Variants in ANKMY1 observed in about 807,000 individuals in gnomAD.
ANKMY1 encodes the protein ankyrin repeat and MYND domain containing 1.
In ANKMY1, 98 loss-of-function variants were observed where a neutral mutation model predicts 102.0. The observed-to-expected ratio is 0.96, with a 90% CI of 0.82 to 1.14. ANKMY1 has a LOEUF of 1.14. ANKMY1 is among the 50% of genes most tolerant of loss of function. The pLI is 0.00. For synonymous variants in ANKMY1, 582 were observed against 559.9 expected (o/e 1.04, Z -0.56); for missense variants, 1,330 against 1,347.6 (o/e 0.99, Z 0.20).
At chr2:240,530,426 C>T (rs780530140) in intron 4 of ANKMY1, among the ~76,000 whole-genome samples, 7 of 152,154 alleles carry the variant, frequency 4.6e-5, no homozygotes, top group African/African-American at 9.7e-5. Flanking sequence ...GGCATTCTCA[C>T]GAGATCTGCT....
At chr2:240,548,373 A>G (rs1446688158) in intron 4 of ANKMY1, among the ~76,000 whole-genome samples, 3 of 152,252 alleles carry the variant, frequency 2.0e-5, no homozygotes, top group African/African-American at 4.8e-5. Context: ...TCAAAATAAT[A>G]AGAGCTATCT....
chr2:240,496,010 T>A (rs1271557260), intron 15 of ANKMY1, among the ~76,000 whole-genome samples: 5 of 152,228 alleles, frequency 3.3e-5, no homozygotes, highest in Admixed American at 6.5e-5. Flanking sequence ...TTCTACTAAG[T>A]GGAAGAAGTG....
At chr2:240,504,960 C>T (rs920063409) in intron 13 of ANKMY1, among the ~76,000 whole-genome samples, 1 of 152,080 alleles carries the variant, frequency 6.6e-6, no homozygotes. Context: ...GCACTCCTGC[C>T]TGGGCGACAG....
intron 4 of ANKMY1, among the ~76,000 whole-genome samples, chr2:240,535,531 G>T (rs2086517959): frequency 6.6e-6 from 1 of 152,210 alleles, no homozygotes; most frequent in Non-Finnish European, 1.5e-5. Context: ...ATTCTCTAGA[G>T]AACGTGGATT....
At chr2:240,543,367 A>C (rs886121084) in intron 4 of ANKMY1, among the ~76,000 whole-genome samples, 2 of 151,858 alleles carry the variant, frequency 1.3e-5, no homozygotes, top group Non-Finnish European at 1.5e-5. Context: ...AAAAAAAAAA[A>C]TTATAGATAA....
In ANKMY1 at chr2:240,529,480, C is replaced by T. The variant is rs2084776968; in HGVS notation, c.510G>A (p.Gly170=). 1 of 1,613,608 alleles carries T rather than the reference C, an allele frequency of 6.2e-7. No homozygotes were observed. Among genetic ancestry groups the T allele is most frequent in the East Asian group, 2.2e-5 (1 of 44,878 alleles). The change falls in exon 5 of 18, where the codon GGG becomes GGA. Residue 170 remains glycine, a synonymous_variant. Transcript: ENST00000401804. The surrounding 1 kb of genome is among the most constrained non-coding windows in gnomAD (Gnocchi z 4.2). ...CATCGGGGTAGGTCTCGACACCTGG[C>T]CCAAACCGCTGGTCCGCTTTGTATA... ...QGLYKADQRF[G]PGVETYPDGS...
chr2:240,557,233 C>G lies in ANKMY1; in HGVS notation c.103G>C (p.Glu35Gln). The change falls in exon 2 of 18, where the codon GAG becomes CAG. Residue 35 changes from glutamate to glutamine, a missense_variant. Coordinates refer to ENST00000401804, the MANE Select transcript of ANKMY1 (RefSeq NM_001282771.3). ...TAGTTCTTCAGGGACCCCGGCTCCTCGGCAGCAGGGGTCTCGCCGCCCTTC... is the reference window on the plus strand; with the variant it reads ...TAGTTCTTCAGGGACCCCGGCTCCTGGGCAGCAGGGGTCTCGCCGCCCTTC... ...EGKGGETPAAEEPGSLKNYAV... is the reference protein window; with the variant it reads ...EGKGGETPAAQEPGSLKNYAV... 2 of 1,592,026 alleles carry G rather than the reference C, an allele frequency of 1.3e-6. No homozygotes were observed. The highest frequency in any genetic ancestry group is 1.7e-6 in the Non-Finnish European group (2 of 1,168,488).
intron 15 of ANKMY1, among the ~76,000 whole-genome samples, chr2:240,483,462 TATTTA>T (rs1354990721): frequency 1.3e-5 from 2 of 152,202 alleles, no homozygotes; most frequent in Non-Finnish European, 2.9e-5. Context: ...TGGCCTGTAT[TATTTA>T]ATTTATCATG....
intron 16 of ANKMY1, among the ~76,000 whole-genome samples, chr2:240,481,682 T>C (rs780528464): frequency 5.3e-5 from 8 of 151,988 alleles, no homozygotes; most frequent in Admixed American, 6.5e-5. Context: ...CACACAAGCA[T>C]GTAAAGAGAC....
At chr2:240,478,737 A>T (rs1339234060), downstream of ANKMY1, among the ~76,000 whole-genome samples, 1 of 152,038 alleles carries the variant, frequency 6.6e-6, no homozygotes, top group Non-Finnish European at 1.5e-5. Flanking sequence ...CAGTAAAAAA[A>T]AAAAATCACT....
intron 11 of ANKMY1, among the ~76,000 whole-genome samples, chr2:240,509,732 A>T (rs1462353887): frequency 6.6e-6 from 1 of 152,164 alleles, no homozygotes; most frequent in Admixed American, 6.5e-5. Flanking sequence ...GCATAAGTTG[A>T]TTTAAAGTTT....
rs1258087886 is a variant in ANKMY1 at position 240,507,648 on chromosome 2, GGCA to G, written c.2435_2437del (p.Leu812del). On this transcript the variant is annotated inframe_deletion, in exon 13 of 18. Transcript: ENST00000401804. ...GGCACTGCCCAAGCCTTTGGTCAGG[GGCA>G]GGTTGGGGTCAGCTCCCTGGGTCAG... 6.2e-7 allele frequency: 1 copy of G among 1,611,226 alleles called. No individual in the cohort carries two copies. The highest frequency in any genetic ancestry group is 8.5e-7 in the Non-Finnish European group (1 of 1,178,660).
At chr2:240,476,551 C>T (rs1049192476), downstream of ANKMY1, among the ~76,000 whole-genome samples, 1 of 152,156 alleles carries the variant, frequency 6.6e-6, no homozygotes, top group Non-Finnish European at 1.5e-5. Context: ...GGAGGGTGGG[C>T]CTGTCCTGGC....
intron 13 of ANKMY1, among the ~76,000 whole-genome samples, chr2:240,504,230 T>C (rs977301278): frequency 1.3e-5 from 2 of 152,152 alleles, no homozygotes; most frequent in African/African-American, 4.8e-5. Flanking sequence ...TGCAGCACCA[T>C]CATTTATGTA....
chr2:240,484,788 T>C (rs988372887), intron 15 of ANKMY1, among the ~76,000 whole-genome samples: 1 of 152,198 alleles, frequency 6.6e-6, no homozygotes, highest in South Asian at 2.1e-4. Flanking sequence ...GAGAAAATTT[T>C]TGCAGTCTAT....
chr2:240,549,551 A>G lies in ANKMY1; in HGVS notation c.480+3363T>C, dbSNP rs1042032835. ...AATTAAAGAGCTTCTGCACAGCAAA[A>G]GAAACTACCATCAGAGTAAACAGGC... On this transcript the variant is annotated intron_variant, in intron 4 of 17. Transcript: ENST00000401804. Among the ~76,000 whole-genome samples the G allele has an allele frequency of 7.2e-5, 11 of 152,338 alleles. 1 individual carries two copies. The highest frequency in any genetic ancestry group is 6.5e-4 in the Admixed American group (10 of 15,304).
chr2:240,495,746 G>A (rs1353152513), intron 15 of ANKMY1, among the ~76,000 whole-genome samples: 1 of 152,122 alleles, frequency 6.6e-6, no homozygotes, highest in Non-Finnish European at 1.5e-5. Context: ...TTTGTCTTGT[G>A]TCTTTATTTC....
At chr2:240,552,817 C>T in intron 4 of ANKMY1, 97 bp downstream of exon 4, 1 of 1,580,926 alleles carries the variant, frequency 6.3e-7, no homozygotes, top group Admixed American at 1.7e-5. Flanking sequence ...TGTAGCTAAA[C>T]AAATAAACTT....
chr2:240,476,621 C>T (rs13010821), downstream of ANKMY1, among the ~76,000 whole-genome samples: 6,667 of 152,222 alleles, frequency 0.044, 190 homozygotes, highest in South Asian at 0.082. Flanking sequence ...GGGGCCCCTA[C>T]GGCAACTAAG....
Sources: gnomAD v4.1 joint callset for allele counts (sites outside exome capture counted in the v4.1 genomes callset) on GRCh38, gnomAD v4.1.1 for gene constraint, Gnocchi (gnomAD v3.1) non-coding constraint, MANE v1.5 for transcripts, NCBI Gene and HGNC (gene_info 2026-07-23, HGNC 2026-07-21) for gene names.